The following MGST3 variants were observed in gnomAD, a reference collection of about 807,000 sequenced individuals.
MGST3 encodes the protein glutathione S-transferase 3, mitochondrial.
MGST3 carries 13 observed loss-of-function variants against 15.8 expected under a neutral mutation model. The ratio of observed to expected loss-of-function variants is 0.82; its 90% CI spans 0.54 to 1.31. The LOEUF (loss-of-function observed/expected upper bound fraction) is 1.31. MGST3 is among the 50% of genes most tolerant of loss of function. The pLI, the probability that MGST3 is intolerant of heterozygous loss-of-function variation, is 0.00. For synonymous variants in MGST3, 49 were observed against 68.1 expected (o/e 0.72, Z 1.38); for missense variants, 155 against 192.4 (o/e 0.81, Z 1.15).
chr1:165,637,912 C>T (rs1277235484), intron 1 of MGST3, among the ~76,000 whole-genome samples: 1 of 152,158 alleles, frequency 6.6e-6, no homozygotes, highest in Non-Finnish European at 1.5e-5. Flanking sequence ...TCTGCTAACT[C>T]TGGCTACACT....
Position 165,650,981 on chromosome 1 carries a change from A to C in MGST3, c.118-33A>C. On this transcript the variant is annotated intron_variant, in intron 2 of 5. Transcript: ENST00000367889. ...CTTTCAACACTGAATGCTCCTCTTG[A>C]CCATCTGATCAGTATGTGCTTTGTT... 3 of 1,597,754 alleles carry C rather than the reference A, an allele frequency of 1.9e-6. No individual in the cohort carries two copies. The African/African-American group carries it at 4.0e-5, about 21-fold the overall frequency.
chr1:165,634,307 G>A (rs1409560650), intron 1 of MGST3, among the ~76,000 whole-genome samples: 2 of 152,110 alleles, frequency 1.3e-5, no homozygotes, highest in Non-Finnish European at 2.9e-5. Flanking sequence ...GTGACCTTGG[G>A]CAGGTCACTT....
At chr1:165,648,247 C>T (rs1310014655) in intron 1 of MGST3, among the ~76,000 whole-genome samples, 1 of 152,240 alleles carries the variant, frequency 6.6e-6, no homozygotes, top group Non-Finnish European at 1.5e-5. Flanking sequence ...GTGTGCCCCC[C>T]AGCCCCCGGA....
chr1:165,644,195 G>T (rs925523153), intron 1 of MGST3, among the ~76,000 whole-genome samples: 32 of 152,264 alleles, frequency 2.1e-4, no homozygotes, highest in Non-Finnish European at 1.3e-4. Flanking sequence ...GATATGTTCT[G>T]AGAAATGTGT....
chr1:165,651,406 A>C, intron 3 of MGST3: 2 of 423,408 alleles, frequency 4.7e-6, no homozygotes, highest in Middle Eastern at 7.3e-4. Flanking sequence ...GAGGTTTTGA[A>C]TGCTGTAAGG....
At chr1:165,642,565 C>A (rs561944142) in intron 1 of MGST3, among the ~76,000 whole-genome samples, 8 of 152,142 alleles carry the variant, frequency 5.3e-5, no homozygotes, top group African/African-American at 1.7e-4. Context: ...TGAGTCAGGT[C>A]AAGGACAGTT....
At chr1:165,654,856 A>G (rs1009060195) in intron 5 of MGST3, among the ~76,000 whole-genome samples, 6 of 152,308 alleles carry the variant, frequency 3.9e-5, no homozygotes, top group African/African-American at 1.2e-4. Flanking sequence ...CCACTACTCT[A>G]AGAACTTTGC....
chr1:165,631,851 A>T (rs1411060960), intron 1 of MGST3, among the ~76,000 whole-genome samples: 1 of 152,202 alleles, frequency 6.6e-6, no homozygotes, highest in African/African-American at 2.4e-5. Context: ...GCCTCTTAGA[A>T]TCGTTTGTCC....
At chr1:165,639,865 TG>T (rs894938944) in intron 1 of MGST3, among the ~76,000 whole-genome samples, 1 of 152,164 alleles carries the variant, frequency 6.6e-6, no homozygotes, top group African/African-American at 2.4e-5. Flanking sequence ...GTATTATATA[TG>T]TAGTAGTGAT....
At chr1:165,637,785 G>A (rs925792773) in intron 1 of MGST3, among the ~76,000 whole-genome samples, 2 of 152,170 alleles carry the variant, frequency 1.3e-5, no homozygotes, top group African/African-American at 2.4e-5. Context: ...TGCTGGAATG[G>A]AGCATGTGTT....
At chr1:165,632,446 G>A (rs753542197) in intron 1 of MGST3, among the ~76,000 whole-genome samples, 1 of 152,304 alleles carries the variant, frequency 6.6e-6, no homozygotes, top group Admixed American at 6.5e-5. Flanking sequence ...TTTTATTTCA[G>A]TGAATTCAGA....
chr1:165,636,054 C>T (rs925437768), intron 1 of MGST3, among the ~76,000 whole-genome samples: 5 of 152,144 alleles, frequency 3.3e-5, no homozygotes, highest in African/African-American at 9.7e-5. Context: ...GAAGGTTTGG[C>T]GCTCAAACAG....
At chr1:165,641,307 C>T (rs539204376) in intron 1 of MGST3, among the ~76,000 whole-genome samples, 1 of 152,308 alleles carries the variant, frequency 6.6e-6, no homozygotes, top group South Asian at 2.1e-4. Flanking sequence ...ACTGCTGCAT[C>T]CCCACCCCTC....
In MGST3 at chr1:165,650,679, AT is replaced by A. The variant is rs751540304; in HGVS notation, c.118-332del. On this transcript the variant is annotated intron_variant, in intron 2 of 5. Coordinates refer to ENST00000367889, the MANE Select transcript of MGST3 (RefSeq NM_004528.4). ...ATTTGATGACTCTTAGGAAGGCTCT[AT>A]TTCCCTACAGTATCTTTGTAATGCA... The A allele has an allele frequency of 2.3e-4, 84 of 358,032 alleles. 1 individual carries two copies. The highest frequency in any genetic ancestry group is 2.2e-4 in the South Asian group (9 of 40,516). 22.2% of individuals were successfully genotyped at this position (358,032 alleles called of 1,614,324 possible). A position where few individuals can be genotyped will look rare whatever the true frequency, so the allele number is the denominator to read the frequency against.
Position 165,633,538 on chromosome 1 carries a change from A to AT in MGST3, c.-8+2246dup, listed in dbSNP as rs9333383. Reference sequence around the variant, plus strand: ...AAGTGATATTTTATTTTATAAATAAATGAGCAAGCAATGGGAGCGGTTGTA... The same window carrying AT: ...AAGTGATATTTTATTTTATAAATAAATTGAGCAAGCAATGGGAGCGGTTGTA... On this transcript the variant is annotated intron_variant, in intron 1 of 5. Transcript: ENST00000367889. Among the ~76,000 whole-genome samples the AT allele has an allele frequency of 9.8e-3, 1,490 of 152,276 alleles. 52 individuals carry two copies. Among genetic ancestry groups the AT allele is most frequent in the Admixed American group, 0.059 (902 of 15,292 alleles).
chr1:165,644,825 C>T (rs1459991303), intron 1 of MGST3, among the ~76,000 whole-genome samples: 7 of 152,128 alleles, frequency 4.6e-5, no homozygotes, highest in African/African-American at 1.7e-4. Context: ...GTGGTGCAAT[C>T]TCGGCTCACT....
chr1:165,631,629 C>T (rs921040229), intron 1 of MGST3, among the ~76,000 whole-genome samples: 1 of 152,080 alleles, frequency 6.6e-6, no homozygotes, highest in African/African-American at 2.4e-5. Context: ...CTGGGGGCAC[C>T]TTTCTGCCTT....
chr1:165,650,847 G>T (rs780740439), intron 2 of MGST3, 167 bp from the exon 3 acceptor site: 2 of 664,512 alleles, frequency 3.0e-6, no homozygotes, highest in Admixed American at 4.3e-5. Flanking sequence ...CTGCTTCTGA[G>T]AATTGAGACC....
chr1:165,651,660 T>C (rs998793624), intron 3 of MGST3: 1 of 347,858 alleles, frequency 2.9e-6, no homozygotes, highest in Non-Finnish European at 5.5e-6. Context: ...TCCCAGCACT[T>C]TGGGAGGCCG....
Sources: gnomAD v4.1 joint callset for allele counts (sites outside exome capture counted in the v4.1 genomes callset) on GRCh38, gnomAD v4.1.1 for gene constraint, MANE v1.5 for transcripts, NCBI Gene and HGNC (gene_info 2026-07-23, HGNC 2026-07-21) for gene names.